Variants in CNIH3 observed in about 807,000 individuals in gnomAD.
CNIH3 encodes the protein protein cornichon homolog 3.
CNIH3 carries 14 observed loss-of-function variants against 24.1 expected under a neutral mutation model. The observed-to-expected ratio is 0.58, with a 90% confidence interval of 0.38 to 0.91. CNIH3 has a LOEUF of 0.91. Ranked by LOEUF, CNIH3 falls within the 40% of genes least tolerant of loss-of-function variation. CNIH3 has a pLI of 0.00. For missense variants in CNIH3, 178 were observed against 196.8 expected (o/e 0.90, Z 0.57); for synonymous variants, 68 against 73.8 (o/e 0.92, Z 0.40).
At chr1:224,661,591 A>G in intron 1 of CNIH3, 1 of 380,886 alleles carries the variant, frequency 2.6e-6, no homozygotes, top group South Asian at 2.5e-5. Context: ...AAATTCCCTG[A>G]AGACATCATC....
intron 4 of CNIH3, chr1:224,575,234 G>A (rs1236740629): frequency 3.7e-6 from 5 of 1,340,300 alleles, no homozygotes; most frequent in South Asian, 3.5e-5. Flanking sequence ...CCAAGTCTGT[G>A]ACACCAGAAT....
intron 4 of CNIH3, among the ~76,000 whole-genome samples, chr1:224,579,629 A>G (rs909144236): frequency 6.6e-6 from 1 of 152,166 alleles, no homozygotes; most frequent in Admixed American, 6.5e-5. Flanking sequence ...GTGGAGTCTA[A>G]TGGGAGATGT....
intron 3 of CNIH3, among the ~76,000 whole-genome samples, chr1:224,692,006 A>G (rs1686955382): frequency 6.6e-6 from 1 of 152,224 alleles, no homozygotes; most frequent in African/African-American, 2.4e-5. Flanking sequence ...GTCATGTGCT[A>G]ACAACTGGAA....
At chr1:224,671,026 G>T (rs1226394013) in intron 1 of CNIH3, among the ~76,000 whole-genome samples, 1 of 152,238 alleles carries the variant, frequency 6.6e-6, no homozygotes, top group African/African-American at 2.4e-5. Context: ...CTTCCTCCGA[G>T]CAAGAGGGAA....
At chr1:224,688,675 C>T (rs577479830) in intron 3 of CNIH3, among the ~76,000 whole-genome samples, 4 of 152,168 alleles carry the variant, frequency 2.6e-5, no homozygotes, top group East Asian at 3.9e-4. Flanking sequence ...AGGCCAGGCG[C>T]GGTGGCTCAC....
Position 224,530,031 on chromosome 1 carries a change from G to T in CNIH3, n.344-6905G>T, listed in dbSNP as rs561261327. 9.9e-5 allele frequency among the ~76,000 whole-genome samples: 15 copies of T among 152,282 alleles called. No individual in the cohort carries two copies. In the South Asian group the frequency reaches 3.1e-3, roughly 32 times the overall value. On this transcript the variant is annotated intron_variant and non_coding_transcript_variant, in intron 2 of 2. Transcript: ENST00000470602. The stretch of plus-strand genomic sequence containing the variant: ...CATTGCTGAGCACCTGCTGTTTGCT[G>T]CCCTTACATCATGCTGTGGAGGCAT...
At chr1:224,670,532 C>T (rs1329139419) in intron 1 of CNIH3, among the ~76,000 whole-genome samples, 2 of 152,210 alleles carry the variant, frequency 1.3e-5, no homozygotes, top group African/African-American at 2.4e-5. Context: ...CAATGATAAG[C>T]TACCCTGTGC....
At chr1:224,732,166 A>C (rs944928514) in intron 4 of CNIH3, among the ~76,000 whole-genome samples, 2 of 152,100 alleles carry the variant, frequency 1.3e-5, no homozygotes, top group African/African-American at 4.8e-5. Context: ...GAGGTGAGAG[A>C]GCCTTGACCC....
At chr1:224,712,424 CCTT>C (rs1688205602) in intron 3 of CNIH3, among the ~76,000 whole-genome samples, 1 of 152,144 alleles carries the variant, frequency 6.6e-6, no homozygotes, top group Admixed American at 6.5e-5. Flanking sequence ...TTTGATCTCT[CCTT>C]CTGGATTGTA....
chr1:224,600,478 C>T (rs1327062168), intron 3 of CNIH3, among the ~76,000 whole-genome samples: 1 of 152,164 alleles, frequency 6.6e-6, no homozygotes, highest in Non-Finnish European at 1.5e-5. Context: ...AGGTGTGAGC[C>T]ATCGTGCCCG....
intron 1 of CNIH3, among the ~76,000 whole-genome samples, chr1:224,500,131 G>T (rs1490027013): frequency 6.6e-6 from 1 of 151,052 alleles, no homozygotes; most frequent in Non-Finnish European, 1.5e-5. Flanking sequence ...AGCCTCCTTA[G>T]TAGCTGGGAC....
chr1:224,654,825 CA>C (rs1685022423), intron 1 of CNIH3, among the ~76,000 whole-genome samples: 1 of 152,162 alleles, frequency 6.6e-6, no homozygotes. Flanking sequence ...TTTTCTAGGC[CA>C]AACTAATTCC....
At chr1:224,585,089 T>C (rs1681441515) in intron 5 of CNIH3, among the ~76,000 whole-genome samples, 1 of 152,220 alleles carries the variant, frequency 6.6e-6, no homozygotes, top group South Asian at 2.1e-4. Flanking sequence ...CTGTAGCACA[T>C]CACTCAAGTC....
Position 224,500,630 on chromosome 1 carries a change from G to T in CNIH3, n.204-15111G>T, listed in dbSNP as rs1366577752. On this transcript the variant is annotated intron_variant and non_coding_transcript_variant, in intron 1 of 5. Coordinates refer to the CNIH3 transcript ENST00000471578. Reference sequence around the variant, plus strand: ...GGAGGTTGCAGTGAGGCGAGATTGTGCCACTGCACTCCAACCTGCTGGGCG... The same window carrying T: ...GGAGGTTGCAGTGAGGCGAGATTGTTCCACTGCACTCCAACCTGCTGGGCG... 5.3e-5 allele frequency among the ~76,000 whole-genome samples: 8 copies of T among 151,912 alleles called. No individual in the cohort carries two copies. In the East Asian group the frequency reaches 1.5e-3, roughly 29 times the overall value.
At chr1:224,488,902 A>T (rs961614907) in intron 1 of CNIH3, among the ~76,000 whole-genome samples, 1 of 152,084 alleles carries the variant, frequency 6.6e-6, no homozygotes, top group African/African-American at 2.4e-5. Flanking sequence ...TCCCAAGCGC[A>T]TTTTCCTTTA....
At chr1:224,545,346 T>C (rs1679662156) in intron 2 of CNIH3, among the ~76,000 whole-genome samples, 1 of 152,206 alleles carries the variant, frequency 6.6e-6, no homozygotes, top group Admixed American at 6.5e-5. Context: ...TCAGTCCCTT[T>C]CTATTATAAC....
intron 3 of CNIH3, among the ~76,000 whole-genome samples, chr1:224,550,563 T>C (rs1679874273): frequency 6.6e-6 from 1 of 152,196 alleles, no homozygotes. Flanking sequence ...GTTATAGAAA[T>C]AACAGAGTGA....
chr1:224,589,868 T>G (rs1681675933), downstream of CNIH3, among the ~76,000 whole-genome samples: 1 of 152,046 alleles, frequency 6.6e-6, no homozygotes, highest in South Asian at 2.1e-4. Flanking sequence ...AGTTACCAGT[T>G]CATCAGGATA....
intron 1 of CNIH3, among the ~76,000 whole-genome samples, chr1:224,619,798 C>T (rs978423812): frequency 1.1e-4 from 16 of 152,174 alleles, no homozygotes; most frequent in Admixed American, 5.2e-4. Context: ...ATGAATTGGG[C>T]GCTTAACAAC....
Sources: gnomAD v4.1 joint callset for allele counts (sites outside exome capture counted in the v4.1 genomes callset) on GRCh38, gnomAD v4.1.1 for gene constraint, MANE v1.5 for transcripts, NCBI Gene and HGNC (gene_info 2026-07-23, HGNC 2026-07-21) for gene names.